The following DGKD variants were observed in gnomAD, a reference collection of about 807,000 sequenced individuals.
DGKD encodes DAG kinase delta.
DGKD carries 68 observed loss-of-function variants against 154.4 expected under a neutral mutation model. That is an observed-to-expected ratio of 0.44 (90% CI 0.36 to 0.54). The LOEUF is 0.54. Among genes scored for constraint, DGKD ranks in the 20% least tolerant of loss-of-function variants. The pLI is 0.00. For missense variants in DGKD, 1,343 were observed against 1,593.6 expected, an observed-to-expected ratio of 0.84 and a Z score of 2.68; for synonymous variants, 693 against 638.0, an observed-to-expected ratio of 1.09 and a Z score of -1.30.
intron 2 of DGKD, 35 bp downstream of exon 2, chr2:233,388,402 A>G: frequency 1.3e-6 from 2 of 1,587,256 alleles, no homozygotes; most frequent in Middle Eastern, 1.7e-4. Context: ...ACGCGAGGAC[A>G]TCACAGGAGC....
chr2:233,427,859 G>A (rs938162285), intron 3 of DGKD, among the ~76,000 whole-genome samples: 4 of 152,200 alleles, frequency 2.6e-5, no homozygotes, highest in Non-Finnish European at 4.4e-5. Context: ...ACATAGGGAT[G>A]CTCTTAGTAT....
At chr2:233,358,146 T>G (rs1701613502) in intron 1 of DGKD, among the ~76,000 whole-genome samples, 1 of 152,256 alleles carries the variant, frequency 6.6e-6, no homozygotes, top group South Asian at 2.1e-4. Flanking sequence ...GTAATGACTC[T>G]GTAGAACTGC....
intron 3 of DGKD, chr2:233,419,508 G>C (rs542019420): frequency 2.2e-6 from 2 of 915,968 alleles, no homozygotes; most frequent in South Asian, 1.0e-4. Context: ...TAAGCGGAAG[G>C]AATTGAGCTT....
chr2:233,440,332 A>G lies in DGKD; in HGVS notation c.1086-1555A>G, dbSNP rs2062844233. On this transcript the variant is annotated intron_variant, in intron 9 of 29. Coordinates refer to ENST00000264057, the MANE Select transcript of DGKD (RefSeq NM_152879.3). This position sits in a 1 kb window ranked among gnomAD's most constrained non-coding sequence, Gnocchi z 4.9. ...GCCTGGGCTTGGTGCCGCATCACCTATGCCTGTCTGTCTTCTGAGCACTCA... is the reference window on the plus strand; with the variant it reads ...GCCTGGGCTTGGTGCCGCATCACCTGTGCCTGTCTGTCTTCTGAGCACTCA... Among the ~76,000 whole-genome samples the G allele has an allele frequency of 6.6e-6, 1 of 152,076 alleles. No homozygotes were observed. Among genetic ancestry groups the G allele is most frequent in the Non-Finnish European group, 1.5e-5 (1 of 68,010 alleles).
intron 6 of DGKD, 85 bp from the exon 7 acceptor site, chr2:233,436,231 G>A: frequency 6.3e-7 from 1 of 1,586,624 alleles, no homozygotes; most frequent in Non-Finnish European, 8.6e-7. Context: ...GAATGCCTTG[G>A]CTGAGTTCAC....
chr2:233,360,057 A>G (rs1456484125), intron 1 of DGKD, among the ~76,000 whole-genome samples: 2 of 152,116 alleles, frequency 1.3e-5, no homozygotes, highest in Admixed American at 6.5e-5. Flanking sequence ...TTCCAAGCAC[A>G]GTCTGCTAAT....
intron 1 of DGKD, among the ~76,000 whole-genome samples, chr2:233,383,088 G>A (rs1290655059): frequency 6.7e-6 from 1 of 149,938 alleles, no homozygotes. Context: ...TCACCCAGGC[G>A]GGAGTGCAGT....
chr2:233,388,400 A>C (rs779939758), intron 2 of DGKD, 33 bp downstream of exon 2: 12 of 1,591,220 alleles, frequency 7.5e-6, no homozygotes, highest in African/African-American at 2.7e-5. Context: ...ACACGCGAGG[A>C]CATCACAGGA....
chr2:233,382,065 C>T (rs552249460), intron 1 of DGKD, among the ~76,000 whole-genome samples: 3 of 152,132 alleles, frequency 2.0e-5, no homozygotes, highest in South Asian at 2.1e-4. Flanking sequence ...GAAACCCTGT[C>T]TCTACTAAAA....
At chr2:233,401,058 C>T (rs1027776112) in intron 3 of DGKD, among the ~76,000 whole-genome samples, 3 of 151,886 alleles carry the variant, frequency 2.0e-5, no homozygotes, top group South Asian at 4.2e-4. Flanking sequence ...TCTGAAAGTA[C>T]GGGACTCTGC....
In DGKD at chr2:233,467,161, A is replaced by G. The variant is rs1465538704; in HGVS notation, c.3382A>G (p.Asn1128Asp). ...RLVTKFKKEK[N>D]NKNKEAHSSL... ...CGTGACCAAGTTTAAAAAGGAGAAAAACAACAAGAACAAAGAAGCTCACAG... is the reference window on the plus strand; with the variant it reads ...CGTGACCAAGTTTAAAAAGGAGAAAGACAACAAGAACAAAGAAGCTCACAG... Residue 1128 changes from asparagine to aspartate, a missense_variant, in exon 28 of 30, where the codon AAC becomes GAC. This residue lies in a region of DGKD where 429 missense variants were observed against 496.3 expected (regional missense o/e 0.86). Transcript: ENST00000264057. 6.2e-7 allele frequency: 1 copy of G among 1,614,118 alleles called. No individual in the cohort carries two copies. The highest frequency in any genetic ancestry group is 1.1e-5 in the South Asian group (1 of 91,082).
chr2:233,464,672 G>A (rs1575179128), intron 27 of DGKD, among the ~76,000 whole-genome samples: 2 of 152,196 alleles, frequency 1.3e-5, no homozygotes, highest in African/African-American at 2.4e-5. Flanking sequence ...GTTGGTGTGC[G>A]CCACTCCCCA....
intron 12 of DGKD, chr2:233,447,537 G>A (rs1420667011): frequency 1.0e-6 from 1 of 984,776 alleles, no homozygotes; most frequent in African/African-American, 1.8e-5. Flanking sequence ...TTTTTTTTTT[G>A]AGAGGAAGAG....
chr2:233,379,109 G>C (rs1264443460), intron 1 of DGKD, among the ~76,000 whole-genome samples: 1 of 152,216 alleles, frequency 6.6e-6, no homozygotes, highest in Non-Finnish European at 1.5e-5. Flanking sequence ...CTGTTGGTCT[G>C]GGGAGGGAGA....
intron 1 of DGKD, among the ~76,000 whole-genome samples, chr2:233,381,191 G>A (rs147133617): frequency 6.8e-4 from 104 of 152,316 alleles, no homozygotes; most frequent in Non-Finnish European, 1.4e-3. Flanking sequence ...TCATGAAGAC[G>A]CTGATGTGGC....
At chr2:233,391,312 TAC>T (rs1178696594) in intron 3 of DGKD, among the ~76,000 whole-genome samples, 1 of 152,244 alleles carries the variant, frequency 6.6e-6, no homozygotes, top group Non-Finnish European at 1.5e-5. Context: ...GCCAGCTGCT[TAC>T]TCTACAGTGT....
Position 233,354,810 on chromosome 2 carries a change from T to A in DGKD, c.156+136T>A. 1 of 327,752 alleles carries A rather than the reference T, an allele frequency of 3.1e-6. No individual in the cohort carries two copies. The highest frequency in any genetic ancestry group is 4.3e-6 in the Non-Finnish European group (1 of 234,378). The allele number at this position is 327,752 out of a possible 1,614,324, so 20.3% of individuals were successfully genotyped here. On this transcript the variant is annotated intron_variant, in intron 1 of 29. Transcript: ENST00000264057. The surrounding 1 kb of genome is among the most constrained non-coding windows in gnomAD (Gnocchi z 4.8). The stretch of plus-strand genomic sequence containing the variant: ...GGGGTCCCGCGGGCGTCACCGCCCC[T>A]GTCGAGCGTGCCCCGCCGCTGTAAC...
intron 1 of DGKD, among the ~76,000 whole-genome samples, chr2:233,378,411 CAAA>C (rs373116594): frequency 1.7e-5 from 2 of 118,702 alleles, no homozygotes; most frequent in Non-Finnish European, 1.8e-5. Flanking sequence ...GACTCCATCT[CAAA>C]AAAAAAAAAA....
intron 3 of DGKD, among the ~76,000 whole-genome samples, chr2:233,413,133 C>G (rs1466135673): frequency 1.3e-5 from 2 of 152,082 alleles, no homozygotes; most frequent in African/African-American, 4.8e-5. Context: ...TGTGGTGGCT[C>G]ACGTCCGTAA....
Sources: gnomAD v4.1 joint callset for allele counts (sites outside exome capture counted in the v4.1 genomes callset) on GRCh38, gnomAD v4.1.1 for gene constraint, gnomAD v4.1.1 regional missense constraint, Gnocchi (gnomAD v3.1) non-coding constraint, MANE v1.5 for transcripts, NCBI Gene and HGNC (gene_info 2026-07-23, HGNC 2026-07-21) for gene names.